The following KATNIP variants were observed in gnomAD, a reference collection of about 807,000 sequenced individuals.
KATNIP encodes katanin interacting protein.
KATNIP carries 126 observed loss-of-function variants against 174.0 expected under a neutral mutation model. The ratio of observed to expected loss-of-function variants is 0.72; its 90% confidence interval spans 0.63 to 0.84. The LOEUF (loss-of-function observed/expected upper bound fraction) is 0.84. Among genes scored for constraint, KATNIP ranks in the 40% least tolerant of loss-of-function variants. KATNIP has a pLI of 0.00. For missense variants in KATNIP, 1,958 were observed against 2,109.7 expected, an observed-to-expected ratio of 0.93 and a Z score of 1.41; for synonymous variants, 810 against 835.7, an observed-to-expected ratio of 0.97 and a Z score of 0.53.
At chr16:27,576,377 C>G (rs2090496549) in intron 2 of KATNIP, among the ~76,000 whole-genome samples, 1 of 151,796 alleles carries the variant, frequency 6.6e-6, no homozygotes, top group Admixed American at 6.6e-5. Context: ...TGGTTTCAGG[C>G]CTTTTGAAAA....
At chr16:27,738,003 G>GGAGCCCAC (rs1055622131) in intron 14 of KATNIP, among the ~76,000 whole-genome samples, 1 of 152,156 alleles carries the variant, frequency 6.6e-6, no homozygotes, top group African/African-American at 2.4e-5. Context: ...AGTGGGAGGA[G>GGAGCCCAC]GAGCCCACGG....
At chr16:27,645,841 T>C (rs2076943380) in intron 5 of KATNIP, among the ~76,000 whole-genome samples, 1 of 152,150 alleles carries the variant, frequency 6.6e-6, no homozygotes, top group African/African-American at 2.4e-5. Flanking sequence ...CTCTGCCTCG[T>C]AGACTTCTAA....
In KATNIP at chr16:27,749,671, G is replaced by A. The variant is rs2081421713; in HGVS notation, c.2711G>A (p.Ser904Asn). Reference protein sequence around the residue: ...HTLHESWSSLSAFDRSHRGRI... With the variant: ...HTLHESWSSLNAFDRSHRGRI... ...CTTCACGAGTCATGGAGCTCCCTCA[G>A]TGCCTTCGACCGCTCCCACCGGGGA... Residue 904 changes from serine to asparagine, a missense_variant, in exon 16 of 28, where the codon AGT becomes AAT. By Grantham distance (46) the Ser-to-Asn change is conservative (BLOSUM62 1). This residue lies in a region of KATNIP where 1,557 missense variants were observed against 1,617.8 expected (regional missense o/e 0.96). Transcript: ENST00000261588. 1.2e-6 allele frequency: 2 copies of A among 1,611,798 alleles called. No individual in the cohort carries two copies. Among genetic ancestry groups the A allele is most frequent in the Non-Finnish European group, 1.7e-6 (2 of 1,178,836 alleles).
intron 18 of KATNIP, among the ~76,000 whole-genome samples, chr16:27,760,830 G>A (rs906038578): frequency 1.3e-5 from 2 of 152,160 alleles, no homozygotes; most frequent in Non-Finnish European, 2.9e-5. Context: ...CAGTGGCATG[G>A]CAGGTTATCA....
chr16:27,687,837 TG>T (rs1335834541), intron 8 of KATNIP, among the ~76,000 whole-genome samples: 8 of 152,316 alleles, frequency 5.3e-5, no homozygotes, highest in Admixed American at 2.0e-4. Context: ...CTGTACTTAG[TG>T]TTCCTGTCAG....
At chr16:27,654,854 G>A in intron 6 of KATNIP, 1 of 943,486 alleles carries the variant, frequency 1.1e-6, no homozygotes, top group South Asian at 1.4e-5. Context: ...CACAGGGCGG[G>A]CACGGTGGCT....
At chr16:27,589,236 A>G (rs1198525493) in intron 2 of KATNIP, among the ~76,000 whole-genome samples, 1 of 152,068 alleles carries the variant, frequency 6.6e-6, no homozygotes, top group Non-Finnish European at 1.5e-5. Context: ...TTCAACTAGG[A>G]GTAGCTTTGG....
At chr16:27,722,308 G>C (rs1174337135) in intron 14 of KATNIP, 1 of 152,260 alleles carries the variant, frequency 6.6e-6, no homozygotes, top group East Asian at 1.9e-4. Flanking sequence ...GTACAGTAAT[G>C]AGAAGGGGTG....
intron 6 of KATNIP, among the ~76,000 whole-genome samples, chr16:27,669,708 G>A (rs2077823225): frequency 6.6e-6 from 1 of 152,166 alleles, no homozygotes; most frequent in Non-Finnish European, 1.5e-5. Context: ...TTTAGATCAC[G>A]TGAGCATTAT....
intron 5 of KATNIP, among the ~76,000 whole-genome samples, chr16:27,639,166 A>G (rs1044742121): frequency 1.3e-5 from 2 of 152,188 alleles, no homozygotes; most frequent in Non-Finnish European, 2.9e-5. Flanking sequence ...AAGGTCACAG[A>G]GTCATCCCAA....
chr16:27,688,699 G>A (rs529781343), intron 8 of KATNIP, among the ~76,000 whole-genome samples: 2 of 152,338 alleles, frequency 1.3e-5, no homozygotes, highest in South Asian at 2.1e-4. Flanking sequence ...GTTCCCAGGC[G>A]ATCCTGACAT....
At chr16:27,721,422 C>T (rs1019775574) in intron 13 of KATNIP, 136 bp from the exon 14 acceptor site, 15 of 982,456 alleles carry the variant, frequency 1.5e-5, no homozygotes, top group African/African-American at 1.1e-4. Context: ...GTGATGGCAA[C>T]GGGGTGGCCT....
At chr16:27,667,071 A>C (rs1167817158) in intron 6 of KATNIP, among the ~76,000 whole-genome samples, 2 of 152,198 alleles carry the variant, frequency 1.3e-5, no homozygotes, top group Admixed American at 1.3e-4. Flanking sequence ...CTATAATCCC[A>C]GTACTTTTGG....
chr16:27,559,797 A>G (rs1233173587), intron 1 of KATNIP, among the ~76,000 whole-genome samples: 3 of 151,644 alleles, frequency 2.0e-5, no homozygotes, highest in East Asian at 2.0e-4. Flanking sequence ...CCTGGCCAAC[A>G]TGGTGAAACC....
At chr16:27,750,732 CTTT>C (rs397854747) in intron 16 of KATNIP, among the ~76,000 whole-genome samples, 3 of 92,106 alleles carry the variant, frequency 3.3e-5, no homozygotes, top group Non-Finnish European at 4.2e-5. Context: ...GCGCCCAGCC[CTTT>C]TTTTTTTTTT....
At chr16:27,751,346 G>A (rs911906470) in intron 16 of KATNIP, among the ~76,000 whole-genome samples, 1 of 152,146 alleles carries the variant, frequency 6.6e-6, no homozygotes, top group African/African-American at 2.4e-5. Flanking sequence ...TGGAACCAAG[G>A]CTTGCCGGGT....
intron 6 of KATNIP, among the ~76,000 whole-genome samples, chr16:27,669,956 G>A (rs1437113465): frequency 1.3e-5 from 2 of 151,916 alleles, no homozygotes; most frequent in Non-Finnish European, 2.9e-5. Context: ...CCAAAGTGCC[G>A]AGATTACAGG....
Position 27,738,100 on chromosome 16 carries a change from A to T in KATNIP, c.1744-1941A>T, listed in dbSNP as rs1466158829. On this transcript the variant is annotated intron_variant, in intron 14 of 27. Coordinates refer to ENST00000261588, the MANE Select transcript of KATNIP (RefSeq NM_015202.5). ...AATGGAATATTCCTTAGCAGTAGAA[A>T]GGAAAGGAACTATCAGTTCCCATAA... Among the ~76,000 whole-genome samples the T allele has an allele frequency of 2.0e-5, 3 of 152,322 alleles. No homozygotes were observed. In the East Asian group the frequency reaches 5.8e-4, roughly 29 times the overall value.
chr16:27,775,854 G>C (rs546336539), intron 24 of KATNIP, among the ~76,000 whole-genome samples: 3 of 152,304 alleles, frequency 2.0e-5, no homozygotes, highest in Non-Finnish European at 4.4e-5. Context: ...GGAAGGTACA[G>C]CATCAGCAAT....
Sources: allele counts gnomAD v4.1 joint callset (sites outside exome capture counted in the v4.1 genomes callset), GRCh38; gene constraint gnomAD v4.1.1; regional missense constraint gnomAD v4.1.1; transcripts MANE v1.5; gene names NCBI Gene and HGNC (gene_info 2026-07-23, HGNC 2026-07-21).